The following PPP2R2B variants were observed in gnomAD, a reference collection of about 807,000 sequenced individuals.
The protein encoded by PPP2R2B is protein phosphatase 2 regulatory subunit Bbeta.
A neutral mutation model predicts 46.0 loss-of-function variants in PPP2R2B; 5 were observed. The observed-to-expected ratio is 0.11, with a 90% CI of 0.06 to 0.23. The LOEUF (loss-of-function observed/expected upper bound fraction) is 0.23, where lower values mean the gene tolerates loss of function less well. PPP2R2B is among the 10% of genes least tolerant of loss of function. PPP2R2B has a pLI of 1.00. For missense variants in PPP2R2B, 367 were observed against 575.0 expected (o/e 0.64, Z 3.70); for synonymous variants, 215 against 206.7 (o/e 1.04, Z -0.34).
At chr5:146,744,637 G>A (rs1753067140) in intron 2 of PPP2R2B, among the ~76,000 whole-genome samples, 1 of 152,104 alleles carries the variant, frequency 6.6e-6, no homozygotes, top group African/African-American at 2.4e-5. Flanking sequence ...TTGTACTCAG[G>A]GACTCAGCCT....
At chr5:147,036,833 A>G (rs2151894638) in intron 1 of PPP2R2B, among the ~76,000 whole-genome samples, 1 of 152,368 alleles carries the variant, frequency 6.6e-6, no homozygotes, top group Non-Finnish European at 1.5e-5. Context: ...TGTGAAATTT[A>G]GTAATGGCTT....
At chr5:146,699,597 C>T (rs781247142) in intron 3 of PPP2R2B, among the ~76,000 whole-genome samples, 1 of 150,846 alleles carries the variant, frequency 6.6e-6, no homozygotes, top group Non-Finnish European at 1.5e-5. Context: ...CAACATGCTG[C>T]CTTGGGTAAT....
chr5:146,882,237 G>C (rs1333356891), upstream of PPP2R2B, among the ~76,000 whole-genome samples: 2 of 150,994 alleles, frequency 1.3e-5, no homozygotes, highest in African/African-American at 2.4e-5. Flanking sequence ...CTGCACTCCA[G>C]CCTGGGAGAC....
chr5:146,758,818 C>T (rs2151248996), intron 2 of PPP2R2B, among the ~76,000 whole-genome samples: 1 of 152,154 alleles, frequency 6.6e-6, no homozygotes, highest in South Asian at 2.1e-4. Context: ...TTTAGTTATC[C>T]TACAAACTAA....
intron 8 of PPP2R2B, among the ~76,000 whole-genome samples, chr5:146,595,974 C>A (rs552060130): frequency 6.6e-6 from 1 of 152,292 alleles, no homozygotes; most frequent in Non-Finnish European, 1.5e-5. Flanking sequence ...AAAGAGCCAA[C>A]TCTATTGGTC....
intron 1 of PPP2R2B, among the ~76,000 whole-genome samples, chr5:146,962,132 A>G (rs547099591): frequency 2.1e-5 from 3 of 145,964 alleles, no homozygotes; most frequent in Admixed American, 1.4e-4. Context: ...GAGTCTGCAC[A>G]TGGCTGGGGC....
At chr5:147,031,177 C>T (rs1057158599) in intron 1 of PPP2R2B, among the ~76,000 whole-genome samples, 2 of 151,844 alleles carry the variant, frequency 1.3e-5, no homozygotes, top group Admixed American at 1.3e-4. Context: ...GCGGAGCTTG[C>T]AGTGAGCTGA....
At chr5:146,692,350 C>T (rs1028088078) in intron 4 of PPP2R2B, among the ~76,000 whole-genome samples, 37 of 152,016 alleles carry the variant, frequency 2.4e-4, no homozygotes, top group African/African-American at 6.0e-4. Flanking sequence ...GCACTTTTTA[C>T]AACTTGATGA....
intron 2 of PPP2R2B, among the ~76,000 whole-genome samples, chr5:146,750,558 T>C (rs1456176519): frequency 6.6e-6 from 1 of 152,192 alleles, no homozygotes; most frequent in Non-Finnish European, 1.5e-5. Context: ...AATATTTCTG[T>C]ACTGTAAGAA....
At chr5:147,055,237 C>T (rs1383169) in intron 1 of PPP2R2B, among the ~76,000 whole-genome samples, 32,550 of 152,090 alleles carry the variant, frequency 0.21, 5,567 homozygotes, top group African/African-American at 0.45. Flanking sequence ...GCTAATTCTA[C>T]TTTGCTAATT....
intron 1 of PPP2R2B, among the ~76,000 whole-genome samples, chr5:147,030,101 T>C (rs1277484881): frequency 2.6e-5 from 4 of 152,198 alleles, no homozygotes; most frequent in East Asian, 3.9e-4. Context: ...TAAACAACTT[T>C]ACAATATTGA....
intron 2 of PPP2R2B, among the ~76,000 whole-genome samples, chr5:146,781,321 C>G (rs1267514342): frequency 6.6e-6 from 1 of 151,034 alleles, no homozygotes; most frequent in South Asian, 2.1e-4. Flanking sequence ...TATCCTGCCT[C>G]TCTCATAATT....
At chr5:146,889,086 G>C (rs895417135) in intron 1 of PPP2R2B, among the ~76,000 whole-genome samples, 96 of 152,316 alleles carry the variant, frequency 6.3e-4, no homozygotes, top group African/African-American at 2.3e-3. Context: ...GGCACTACTA[G>C]TTATGCTAAT....
At chr5:146,891,006 T>C (rs1762476805) in intron 1 of PPP2R2B, among the ~76,000 whole-genome samples, 1 of 152,122 alleles carries the variant, frequency 6.6e-6, no homozygotes, top group African/African-American at 2.4e-5. Context: ...CAAAGAAAGG[T>C]ACACAGTTGA....
intron 1 of PPP2R2B, among the ~76,000 whole-genome samples, chr5:147,024,437 C>T (rs558008044): frequency 1.2e-4 from 18 of 152,058 alleles, no homozygotes; most frequent in African/African-American, 1.7e-4. Context: ...TCAGTAATTA[C>T]GCAGAAGATG....
At chr5:147,071,685 A>C (rs1182288285) in intron 2 of PPP2R2B, among the ~76,000 whole-genome samples, 2 of 152,106 alleles carry the variant, frequency 1.3e-5, no homozygotes, top group Non-Finnish European at 2.9e-5. Context: ...CATCTTTTGC[A>C]TGAAGTCTTG....
intron 2 of PPP2R2B, among the ~76,000 whole-genome samples, chr5:146,859,167 T>C (rs1396122974): frequency 6.6e-6 from 1 of 152,098 alleles, no homozygotes; most frequent in East Asian, 1.9e-4. Flanking sequence ...GACAAGTTGA[T>C]TAACTCCACT....
chr5:146,648,336 T>A (rs1020046977), intron 6 of PPP2R2B, among the ~76,000 whole-genome samples: 1 of 152,196 alleles, frequency 6.6e-6, no homozygotes, highest in Non-Finnish European at 1.5e-5. Flanking sequence ...TCATCAATAT[T>A]AGACTTCATA....
chr5:147,004,296 C>A (rs1186263323), intron 1 of PPP2R2B, among the ~76,000 whole-genome samples: 1 of 152,188 alleles, frequency 6.6e-6, no homozygotes, highest in African/African-American at 2.4e-5. Flanking sequence ...GGCAAAGCTT[C>A]TCTGGGCCAG....
Sources: gnomAD v4.1 joint callset for allele counts (sites outside exome capture counted in the v4.1 genomes callset) on GRCh38, gnomAD v4.1.1 for gene constraint, MANE v1.5 for transcripts, NCBI Gene and HGNC (gene_info 2026-07-23, HGNC 2026-07-21) for gene names.